Variants in JAKMIP3 observed in about 807,000 individuals in gnomAD.
The protein encoded by JAKMIP3 is Janus kinase and microtubule interacting protein 3.
A neutral mutation model predicts 118.5 loss-of-function variants in JAKMIP3; 58 were observed. That is an observed-to-expected ratio of 0.49 (90% CI 0.40 to 0.61). The LOEUF is 0.61. JAKMIP3 is among the 20% of genes least tolerant of loss of function. The pLI, the probability that JAKMIP3 is intolerant of heterozygous loss-of-function variation, is 0.00. For synonymous variants in JAKMIP3, 486 were observed against 451.2 expected (o/e 1.08, Z -0.98); for missense variants, 950 against 1,109.0 (o/e 0.86, Z 2.04).
intron 23 of JAKMIP3, among the ~76,000 whole-genome samples, chr10:132,180,700 T>TGCGCGC (rs1392536007): frequency 0.017 from 317 of 18,282 alleles, 31 homozygotes; most frequent in Non-Finnish European, 0.022. Context: ...TGCGTGCGTG[T>TGCGCGC]GTGTGTGCGC....
intron 1 of JAKMIP3, among the ~76,000 whole-genome samples, chr10:132,095,515 G>T (rs1446277366): frequency 6.6e-6 from 1 of 152,152 alleles, no homozygotes; most frequent in African/African-American, 2.4e-5. Context: ...GGGGGTGAAC[G>T]GTCCTCCTTT....
chr10:132,069,246 C>T (rs1249087090), intron 1 of JAKMIP3, among the ~76,000 whole-genome samples: 1 of 152,152 alleles, frequency 6.6e-6, no homozygotes, highest in African/African-American at 2.4e-5. Context: ...TCTGAGCACC[C>T]AGCCAGGGGT....
intron 23 of JAKMIP3, among the ~76,000 whole-genome samples, chr10:132,180,692 C>CGCGCGT (rs1565020759): frequency 4.4e-4 from 5 of 11,268 alleles, no homozygotes; most frequent in African/African-American, 1.9e-3. Flanking sequence ...CGTGTGTGTG[C>CGCGCGT]GTGCGTGTGT....
At chr10:132,155,871 G>A (rs2057028216) in intron 19 of JAKMIP3, among the ~76,000 whole-genome samples, 2 of 152,282 alleles carry the variant, frequency 1.3e-5, no homozygotes, top group African/African-American at 4.8e-5. Flanking sequence ...GGCCCCAGTG[G>A]TGGTGAGACC....
chr10:132,109,517 C>T (rs1312166494), intron 2 of JAKMIP3, among the ~76,000 whole-genome samples: 2 of 152,166 alleles, frequency 1.3e-5, no homozygotes, highest in Non-Finnish European at 2.9e-5. Flanking sequence ...TGCGCCCGGG[C>T]GTCTTCTGTC....
intron 17 of JAKMIP3, 39 bp from the exon 18 acceptor site, chr10:132,153,720 C>T (rs777640728): frequency 3.1e-6 from 5 of 1,606,468 alleles, no homozygotes; most frequent in East Asian, 4.5e-5. Context: ...GGTGGGGGAC[C>T]CTAGGGGTCA....
intron 1 of JAKMIP3, among the ~76,000 whole-genome samples, chr10:132,094,635 G>T: frequency 6.6e-6 from 1 of 152,180 alleles, no homozygotes; most frequent in South Asian, 2.1e-4. Context: ...ACCAGCACCT[G>T]TTCCGGTGGA....
At chr10:132,080,529 TTTTTTTTTTTA>T (rs1386811383) in intron 1 of JAKMIP3, among the ~76,000 whole-genome samples, 24 of 89,674 alleles carry the variant, frequency 2.7e-4, no homozygotes, top group African/African-American at 5.8e-4. Context: ...TTTTTTTTTT[TTTTTTTTTTTA>T]AGATGGAGTC....
intron 3 of JAKMIP3, among the ~76,000 whole-genome samples, chr10:132,132,885 C>T (rs1457916829): frequency 1.3e-5 from 2 of 152,210 alleles, no homozygotes; most frequent in Non-Finnish European, 2.9e-5. Context: ...GAAACTTGGC[C>T]GTGGCACCTT....
chr10:132,169,585 C>T lies in JAKMIP3; in HGVS notation c.*1103+552C>T, dbSNP rs77793860. Among the ~76,000 whole-genome samples the T allele has an allele frequency of 7.9e-5, 12 of 151,936 alleles. No homozygotes were observed. In the South Asian group the frequency reaches 2.3e-3, roughly 29 times the overall value. On this transcript the variant is annotated intron_variant, in intron 23 of 23. Coordinates refer to ENST00000684848, the MANE Select transcript of JAKMIP3 (RefSeq NM_001323087.2). Reference sequence around the variant, plus strand: ...GATCCGTTGTGTCTGTGGGACTCAGCGGGGCCCTGGGGCAGGGTGAGCCGG... The same window carrying T: ...GATCCGTTGTGTCTGTGGGACTCAGTGGGGCCCTGGGGCAGGGTGAGCCGG...
At chr10:132,136,954 A>G (rs1321865938) in intron 6 of JAKMIP3, 65 bp from the exon 7 acceptor site, 1 of 1,557,966 alleles carries the variant, frequency 6.4e-7, no homozygotes, top group African/African-American at 1.4e-5. Context: ...CCCCCCGCCG[A>G]CCCACTGTGT....
At chr10:132,102,597 C>T (rs190837054) in intron 1 of JAKMIP3, among the ~76,000 whole-genome samples, 8 of 152,374 alleles carry the variant, frequency 5.3e-5, no homozygotes, top group Non-Finnish European at 1.2e-4. Flanking sequence ...GCCCCGCAGG[C>T]TCCTCGTGGT....
At chr10:132,161,062 T>TGTGTGATGCTGGGGGCGTGTCTTC (rs1564985342) in intron 19 of JAKMIP3, among the ~76,000 whole-genome samples, 1 of 7,150 alleles carries the variant, frequency 1.4e-4, no homozygotes, top group Non-Finnish European at 3.0e-4. Flanking sequence ...GGCGTGTCTT[T>TGTGTGATGCTGGGGGCGTGTCTTC]CTGTGTGATG....
At chr10:132,102,505 C>T (rs1417608575) in intron 1 of JAKMIP3, among the ~76,000 whole-genome samples, 2 of 152,246 alleles carry the variant, frequency 1.3e-5, no homozygotes, top group Non-Finnish European at 2.9e-5. Context: ...ATCCACCCTG[C>T]CGGGCCCTTC....
intron 4 of JAKMIP3, among the ~76,000 whole-genome samples, chr10:132,134,599 G>A (rs2051334055): frequency 6.6e-6 from 1 of 152,172 alleles, no homozygotes; most frequent in Non-Finnish European, 1.5e-5. Flanking sequence ...CCAGAGAAAT[G>A]CCGCCCCGTG....
rs1334986608 is a variant in JAKMIP3 at position 132,180,606 on chromosome 10, T to TGC, written c.*1104-1750_*1104-1749insCG. ...GTGCGCGTGTGTGTGTGCGTGCGCG[T>TGC]GTGTGTGTGCGTGTGTGTGCGTGTG... On this transcript the variant is annotated intron_variant, in intron 23 of 23. Coordinates refer to ENST00000684848, the MANE Select transcript of JAKMIP3 (RefSeq NM_001323087.2). 1.5e-3 allele frequency among the ~76,000 whole-genome samples: 37 copies of TGC among 24,798 alleles called. 3 individuals carry two copies. In the East Asian group the frequency reaches 0.018, roughly 12 times the overall value. The allele number at this position is 24,798 out of a possible 152,430, so 16.3% of individuals were successfully genotyped here.
chr10:132,159,408 C>T (rs1170055978), intron 19 of JAKMIP3, among the ~76,000 whole-genome samples: 1 of 90,034 alleles, frequency 1.1e-5, no homozygotes, highest in Non-Finnish European at 2.0e-5. Flanking sequence ...ACTGAGGGGG[C>T]CTATTCCTGT....
In JAKMIP3 at chr10:132,142,155, C is replaced by CCTCCT. The variant is rs569053992; in HGVS notation, c.1602+113_1602+117dup. 8 of 1,230,932 alleles carry CCTCCT rather than the reference C, an allele frequency of 6.5e-6. 1 individual carries two copies. The East Asian group carries it at 2.1e-4, about 32-fold the overall frequency. The allele number at this position is 1,230,932 out of a possible 1,614,324, so 76.3% of individuals were successfully genotyped here. On this transcript the variant is annotated intron_variant, in intron 11 of 23. Coordinates refer to ENST00000684848, the MANE Select transcript of JAKMIP3 (RefSeq NM_001323087.2). ...TCACTAGCCCTCCTGGGCCCGGGCC[C>CCTCCT]CTCCTCTCCTGCCCTTGCCTGCAGT...
chr10:132,155,007 G>GCTGGTGGT (rs2056876470), intron 19 of JAKMIP3, among the ~76,000 whole-genome samples: 1 of 123,674 alleles, frequency 8.1e-6, no homozygotes, highest in African/African-American at 2.9e-5. Flanking sequence ...TTATGATGAT[G>GCTGGTGGT]ATGATAATGG....
Sources: allele counts gnomAD v4.1 joint callset (sites outside exome capture counted in the v4.1 genomes callset), GRCh38; gene constraint gnomAD v4.1.1; transcripts MANE v1.5; gene names NCBI Gene and HGNC (gene_info 2026-07-23, HGNC 2026-07-21).